Variants in COL9A3 observed in about 807,000 individuals in gnomAD.
COL9A3 encodes collagen alpha-3(IX) chain.
In COL9A3, 82 loss-of-function variants were observed where a neutral mutation model predicts 110.2. That is an observed-to-expected ratio of 0.74 (90% CI 0.62 to 0.89). COL9A3 has a LOEUF of 0.89. Ranked by LOEUF, COL9A3 falls within the 40% of genes least tolerant of loss-of-function variation. The pLI is 0.00. For missense variants in COL9A3, 1,066 were observed against 981.3 expected, an observed-to-expected ratio of 1.09 and a Z score of -1.15; for synonymous variants, 494 against 403.8, an observed-to-expected ratio of 1.22 and a Z score of -2.68.
intron 2 of COL9A3, chr20:62,818,016 G>T (rs1321693632): frequency 1.6e-5 from 6 of 372,190 alleles, no homozygotes; most frequent in African/African-American, 1.0e-4. Flanking sequence ...CAGCCATGGA[G>T]GGGGCTTAGG....
At chr20:62,824,603 C>A in intron 11 of COL9A3, 102 bp downstream of exon 11, 3 of 1,272,028 alleles carry the variant, frequency 2.4e-6, no homozygotes, top group Middle Eastern at 2.6e-4. Context: ...AAAGCTGGAC[C>A]CTGGTTCCAG....
chr20:62,832,990 T>C (rs2063608460), intron 25 of COL9A3, 30 bp from the exon 26 acceptor site: 1 of 1,610,004 alleles, frequency 6.2e-7, no homozygotes, highest in South Asian at 1.1e-5. Context: ...CATGAACAGC[T>C]CTTTTAACTT....
At position 62,825,798 on chromosome 20, in the gene COL9A3, C is replaced by T. The variant is rs371678889; in HGVS notation, c.631-19C>T. 3.2e-6 allele frequency: 5 copies of T among 1,551,844 alleles called. No individual in the cohort carries two copies. Among genetic ancestry groups the T allele is most frequent in the Non-Finnish European group, 4.4e-6 (5 of 1,147,478 alleles). On this transcript the variant is annotated intron_variant, in intron 12 of 31. Coordinates refer to ENST00000649368, the MANE Select transcript of COL9A3 (RefSeq NM_001853.4). ...AGAGCCAGACTGGGCCGCTGACCACCCTATCCCCTCTGTTTCAGGGTGACC... is the reference window on the plus strand; with the variant it reads ...AGAGCCAGACTGGGCCGCTGACCACTCTATCCCCTCTGTTTCAGGGTGACC...
intron 14 of COL9A3, 137 bp downstream of exon 14, chr20:62,826,394 C>T (rs1234758982): frequency 1.1e-5 from 9 of 848,018 alleles, no homozygotes; most frequent in East Asian, 5.3e-5. Context: ...GCCACTGTGG[C>T]GCAGGCCTTG....
rs113560024 is a variant in COL9A3 at position 62,829,693 on chromosome 20, C to T, written c.1107+12C>T. On this transcript the variant is annotated intron_variant, in intron 21 of 31. Coordinates refer to ENST00000649368, the MANE Select transcript of COL9A3 (RefSeq NM_001853.4). ...AGCCAGGCGTCCCTGTGAGTATCTG[C>T]GGCGCCCCAGACCCCTCCCCATCCA... 2.9e-5 allele frequency: 46 copies of T among 1,605,866 alleles called. No homozygotes were observed. Among genetic ancestry groups the T allele is most frequent in the South Asian group, 1.7e-4 (15 of 89,626 alleles).
rs770204147 is a variant in COL9A3 at position 62,822,617 on chromosome 20, C to T, written c.504C>T (p.Gly168=). Reference sequence around the variant, plus strand: ...GACACCCAGGAGTCCTCCCTGAAGGCGCTACTGACCTTCAGGTAGGCACTT... The same window carrying T: ...GACACCCAGGAGTCCTCCCTGAAGGTGCTACTGACCTTCAGGTAGGCACTT... ...PPGHPGVLPE[G]ATDLQCPSIC... is the part of the protein sequence containing the mutation. The change falls in exon 10 of 32, where the codon GGC becomes GGT. Residue 168 remains glycine (G), a synonymous_variant. Coordinates refer to ENST00000649368, the MANE Select transcript of COL9A3 (RefSeq NM_001853.4). 54 of 1,612,338 alleles carry T rather than the reference C, an allele frequency of 3.3e-5. No homozygotes were observed. The Middle Eastern group carries it at 5.2e-4, about 16-fold the overall frequency.
chr20:62,827,430 G>C (rs911405671), intron 16 of COL9A3, 136 bp downstream of exon 16: 1 of 880,714 alleles, frequency 1.1e-6, no homozygotes, highest in Admixed American at 2.1e-5. Flanking sequence ...GGGGTGCGTG[G>C]GGGTGAGCCT....
chr20:62,830,804 T>C, intron 24 of COL9A3, among the ~76,000 whole-genome samples: 1 of 61,794 alleles, frequency 1.6e-5, no homozygotes, highest in Non-Finnish European at 3.0e-5. Context: ...CCCACCACAG[T>C]CCCCTGGGAC....
intron 2 of COL9A3, among the ~76,000 whole-genome samples, chr20:62,818,215 CGTGGAGGGCT>C (rs912562673): frequency 5.3e-5 from 8 of 152,190 alleles, no homozygotes; most frequent in Admixed American, 4.6e-4. Flanking sequence ...GTGTGGTCCC[CGTGGAGGGCT>C]GTGGAGGGCT....
intron 22 of COL9A3, 49 bp from the exon 23 acceptor site, chr20:62,830,311 A>T: frequency 6.5e-7 from 1 of 1,547,556 alleles, no homozygotes; most frequent in Non-Finnish European, 8.7e-7. Flanking sequence ...CCTCTTGGGG[A>T]CTCCTCGAAC....
chr20:62,822,453 G>C (rs1242215288), intron 9 of COL9A3, 138 bp from the exon 10 acceptor site: 1 of 952,694 alleles, frequency 1.0e-6, no homozygotes, highest in Non-Finnish European at 1.7e-6. Context: ...CTGGCCACTT[G>C]GGGGACAGGA....
In COL9A3 at chr20:62,830,262, C is replaced by T. The variant is rs2063585071; in HGVS notation, c.1162-98C>T. 4 of 1,396,330 alleles carry T rather than the reference C, an allele frequency of 2.9e-6. No homozygotes were observed. In the East Asian group the frequency reaches 1.0e-4, roughly 35 times the overall value. 86.5% of individuals were successfully genotyped at this position (1,396,330 alleles called of 1,614,324 possible). A position where few individuals can be genotyped will look rare whatever the true frequency, so the allele number is the denominator to read the frequency against. On this transcript the variant is annotated intron_variant, in intron 22 of 31. Coordinates refer to ENST00000649368, the MANE Select transcript of COL9A3 (RefSeq NM_001853.4). ...GTGGCTTAGAACCGGCTCCTGTGTC[C>T]ACCCACTCTGGGGGAAGGCTGAGCC...
At chr20:62,816,770 G>C (rs1384775848), upstream of COL9A3, among the ~76,000 whole-genome samples, 1 of 152,178 alleles carries the variant, frequency 6.6e-6, no homozygotes, top group Admixed American at 6.5e-5. Flanking sequence ...GGAGAGAAAA[G>C]AGCGTCTTTC....
At chr20:62,831,873 T>C (rs1313697938) in intron 24 of COL9A3, 1 of 527,176 alleles carries the variant, frequency 1.9e-6, no homozygotes, top group Non-Finnish European at 3.5e-6. Context: ...TATCCTGCAA[T>C]TGTGCAGAAA....
At chr20:62,838,807 C>T (rs976059188) in intron 31 of COL9A3, 46 bp downstream of exon 31, 68 of 1,463,008 alleles carry the variant, frequency 4.6e-5, no homozygotes, top group Non-Finnish European at 5.6e-5. Flanking sequence ...ACATCTCTTC[C>T]GCCATCTTGT....
At chr20:62,832,979 G>T (rs1157705082) in intron 25 of COL9A3, 41 bp from the exon 26 acceptor site, 2 of 1,592,360 alleles carry the variant, frequency 1.3e-6, no homozygotes, top group East Asian at 2.2e-5. Context: ...CCCTACTCAT[G>T]CATGAACAGC....
chr20:62,822,063 T>C, intron 8 of COL9A3, 48 bp from the exon 9 acceptor site: 1 of 1,147,270 alleles, frequency 8.7e-7, no homozygotes, highest in South Asian at 1.2e-5. Context: ...GGCACCTCAC[T>C]CAGGTGGGGG....
chr20:62,829,736 G>C, intron 21 of COL9A3, 30 bp from the exon 22 acceptor site: 5 of 1,594,932 alleles, frequency 3.1e-6, no homozygotes, highest in Non-Finnish European at 4.3e-6. Flanking sequence ...TGCAGACCCT[G>C]CCCTGACACC....
intron 29 of COL9A3, 45 bp downstream of exon 29, chr20:62,836,577 C>T (rs1259413428): frequency 2.6e-6 from 4 of 1,559,176 alleles, no homozygotes; most frequent in Admixed American, 1.9e-5. Context: ...CCATCCCCGC[C>T]TGGGGGTCCC....
Sources: allele counts gnomAD v4.1 joint callset (sites outside exome capture counted in the v4.1 genomes callset), GRCh38; gene constraint gnomAD v4.1.1; transcripts MANE v1.5; gene names NCBI Gene and HGNC (gene_info 2026-07-23, HGNC 2026-07-21).